The following NOL7 variants were observed in gnomAD, a reference collection of about 807,000 sequenced individuals.
The protein encoded by NOL7 is U3 small nucleolar RNA-associated protein NOL7.
In NOL7, 36 loss-of-function variants were observed where a neutral mutation model predicts 38.4. The ratio of observed to expected loss-of-function variants is 0.94; its 90% CI spans 0.72 to 1.24. The LOEUF is 1.24. Among genes scored for constraint, NOL7 ranks in the 50% most tolerant of loss-of-function variants. NOL7 has a pLI of 0.00. For missense variants in NOL7, 350 were observed against 315.1 expected (o/e 1.11, Z -0.84); for synonymous variants, 142 against 126.5 (o/e 1.12, Z -0.82).
At chr6:13,616,590 T>C (rs373648140) in intron 3 of NOL7, 69 bp downstream of exon 3, 327 of 1,046,222 alleles carry the variant, frequency 3.1e-4, no homozygotes, top group Non-Finnish European at 4.4e-4. Context: ...CTGGTACATT[T>C]ATTTGAATCC....
exon 9 of NOL7, chr6:13,632,393 T>A: frequency 6.2e-7 from 1 of 1,610,020 alleles, no homozygotes; most frequent in East Asian, 2.2e-5. Flanking sequence ...TTGTTTGCAG[T>A]GTTCTTGCCA....
downstream of NOL7, chr6:13,622,116 G>T: frequency 1.1e-5 from 3 of 264,690 alleles, no homozygotes; most frequent in African/African-American, 2.2e-5. Context: ...TGATCAATTT[G>T]AACGTCTGAA....
chr6:13,619,796 T>C (rs1206368525), intron 5 of NOL7, among the ~76,000 whole-genome samples: 1 of 152,216 alleles, frequency 6.6e-6, no homozygotes, highest in Non-Finnish European at 1.5e-5. Context: ...TTTAGTTTTA[T>C]CCTATCTGTG....
At chr6:13,627,006 C>G (rs1409942407) in intron 8 of NOL7, among the ~76,000 whole-genome samples, 3 of 152,224 alleles carry the variant, frequency 2.0e-5, no homozygotes, top group Admixed American at 2.0e-4. Flanking sequence ...TGCCTCTACG[C>G]AAACACACAT....
intron 5 of NOL7, among the ~76,000 whole-genome samples, chr6:13,619,413 G>T (rs1764376529): frequency 6.6e-6 from 1 of 152,226 alleles, no homozygotes. Flanking sequence ...GTTGCATTCA[G>T]TACAGCTTGG....
intron 8 of NOL7, among the ~76,000 whole-genome samples, chr6:13,628,943 T>C (rs961953161): frequency 1.3e-5 from 2 of 151,776 alleles, no homozygotes; most frequent in Admixed American, 6.6e-5. Context: ...AATGTTCATA[T>C]TCTTTGACTC....
At position 13,617,779 on chromosome 6, in the gene NOL7, A is replaced by G; in HGVS notation, c.396A>G (p.Lys132=). 1 of 1,613,956 alleles carries G rather than the reference A, an allele frequency of 6.2e-7. No individual in the cohort carries two copies. ...TGTTTTTTTTCCTTAGCATCAAGAA[A>G]TCGCCAGGAAAGGTGAAAGAAGGTA... ...LTTASQTNIK[K]SPGKVKEVNL... is the part of the protein sequence containing the mutation. Residue 132 remains lysine (K), a synonymous_variant, in exon 4 of 8, where the codon AAA becomes AAG. Coordinates refer to ENST00000451315, the MANE Select transcript of NOL7 (RefSeq NM_016167.5).
Position 13,615,785 on chromosome 6 carries a change from G to A in NOL7, c.327+13G>A, listed in dbSNP as rs377029923. The A allele has an allele frequency of 1.2e-6, 2 of 1,603,384 alleles. No homozygotes were observed. The highest frequency in any genetic ancestry group is 2.2e-5 in the East Asian group (1 of 44,852). On this transcript the variant is annotated intron_variant, in intron 2 of 7. Coordinates refer to ENST00000451315, the MANE Select transcript of NOL7 (RefSeq NM_016167.5). The stretch of plus-strand genomic sequence containing the variant: ...CATCGAACAGAAGGTTAGAGGCTAG[G>A]GAGGAGGTGTCTTATTAAAACAACT...
Position 13,629,587 on chromosome 6 carries a change from G to A in NOL7, n.574-2806G>A, listed in dbSNP as rs149052176. ...GTTTCTAAATAGGGTGACTCTAAATGGTTCTCTTGCTACTTCAGTTACTAA... is the reference window on the plus strand; with the variant it reads ...GTTTCTAAATAGGGTGACTCTAAATAGTTCTCTTGCTACTTCAGTTACTAA... On this transcript the variant is annotated intron_variant and non_coding_transcript_variant, in intron 8 of 8. Transcript: ENST00000474485. 8.3e-4 allele frequency among the ~76,000 whole-genome samples: 126 copies of A among 152,220 alleles called. 1 individual carries two copies. Among genetic ancestry groups the A allele is most frequent in the Middle Eastern group, 6.8e-3 (2 of 294 alleles).
chr6:13,620,346 CT>C lies in NOL7; in HGVS notation c.622+18del, dbSNP rs1409051276. Reference sequence around the variant, plus strand: ...GGACTACTGGTAATTTTTTTATGGACTATTTTTCTCACTTTTTACTGCAAAT... The same window carrying C: ...GGACTACTGGTAATTTTTTTATGGACATTTTTCTCACTTTTTACTGCAAAT... On this transcript the variant is annotated intron_variant, in intron 6 of 7. Transcript: ENST00000451315. 6.2e-7 allele frequency: 1 copy of C among 1,613,750 alleles called. No individual in the cohort carries two copies. Among genetic ancestry groups the C allele is most frequent in the Non-Finnish European group, 8.5e-7 (1 of 1,179,892 alleles).
chr6:13,625,812 T>C, downstream of NOL7: 2 of 1,324,576 alleles, frequency 1.5e-6, no homozygotes, highest in Non-Finnish European at 2.2e-6. Context: ...GTTCAACTAT[T>C]ATGCTCACAA....
chr6:13,626,729 T>G lies in NOL7; in HGVS notation n.574-5664T>G, dbSNP rs150945008. On this transcript the variant is annotated intron_variant and non_coding_transcript_variant, in intron 8 of 8. Coordinates refer to the NOL7 transcript ENST00000474485. ...ATTTGTGAGTTCAGGAACACAACAC[T>G]TTGAAAATACTGACTACTGAAATTC... is the stretch of plus-strand genomic sequence containing the variant. Among the ~76,000 whole-genome samples the G allele has an allele frequency of 2.4e-3, 372 of 152,320 alleles. 3 individuals are homozygous for G. Among genetic ancestry groups the G allele is most frequent in the African/African-American group, 8.3e-3 (343 of 41,572 alleles).
rs769375225 is a variant in NOL7 at position 13,617,756 on chromosome 6, T to C, written c.387-14T>C. ...ACTGCCATTGCAGTCAGTGGTTTTG[T>C]TTTTTTTCCTTAGCATCAAGAAATC... On this transcript the variant is annotated splice_polypyrimidine_tract_variant and intron_variant, in intron 3 of 7. Transcript: ENST00000451315. 15 of 1,611,584 alleles carry C rather than the reference T, an allele frequency of 9.3e-6. No homozygotes were observed. In the South Asian group the frequency reaches 1.4e-4, roughly 15 times the overall value.
At chr6:13,628,590 G>A (rs150660883) in intron 8 of NOL7, among the ~76,000 whole-genome samples, 374 of 152,322 alleles carry the variant, frequency 2.5e-3, no homozygotes, top group African/African-American at 8.5e-3. Context: ...TGGAAGTAGA[G>A]TGAAGCTGTA....
downstream of NOL7, among the ~76,000 whole-genome samples, chr6:13,624,677 A>T (rs150024103): frequency 6.6e-6 from 1 of 152,248 alleles, no homozygotes; most frequent in South Asian, 2.1e-4. Flanking sequence ...CAAACGCTAC[A>T]GTGAGCTGCT....
chr6:13,628,012 C>CA (rs760019628), intron 8 of NOL7, among the ~76,000 whole-genome samples: 26 of 152,264 alleles, frequency 1.7e-4, no homozygotes, highest in African/African-American at 6.3e-4. Flanking sequence ...TTTAAAAACT[C>CA]AGAGAAAAAG....
chr6:13,620,102 T>C (rs934472735), intron 5 of NOL7, 106 bp from the exon 6 acceptor site: 18 of 1,273,538 alleles, frequency 1.4e-5, no homozygotes, highest in Non-Finnish European at 1.8e-5. Flanking sequence ...TGCAGTGAGC[T>C]GAGATCGCGC....
In NOL7 at chr6:13,617,818, T is replaced by G. The variant is rs2127754322; in HGVS notation, c.418+17T>G. ...TGAAAGAAGGTATGACTATTCTAATTTAACTAACTTCTCATGTAAGTGTCA... is the reference window on the plus strand; with the variant it reads ...TGAAAGAAGGTATGACTATTCTAATGTAACTAACTTCTCATGTAAGTGTCA... On this transcript the variant is annotated intron_variant, in intron 4 of 7. Coordinates refer to ENST00000451315, the MANE Select transcript of NOL7 (RefSeq NM_016167.5). 6.2e-7 allele frequency: 1 copy of G among 1,609,448 alleles called. No homozygotes were observed. The highest frequency in any genetic ancestry group is 8.5e-7 in the Non-Finnish European group (1 of 1,175,732).
Position 13,616,632 on chromosome 6 carries a change from C to T in NOL7, c.386+111C>T, listed in dbSNP as rs74914481. ...CTGAAGGAATTGTAGAACCCAAATT[C>T]AAAAGCTACCTTGGTATATGAATTT... On this transcript the variant is annotated intron_variant, in intron 3 of 7. Transcript: ENST00000451315. 2.1e-3 allele frequency: 1,396 copies of T among 657,070 alleles called. 13 individuals carry two copies. The African/African-American group carries it at 0.023, about 11-fold the overall frequency. 40.7% of individuals were successfully genotyped at this position (657,070 alleles called of 1,614,324 possible).
Sources: allele counts gnomAD v4.1 joint callset (sites outside exome capture counted in the v4.1 genomes callset), GRCh38; gene constraint gnomAD v4.1.1; transcripts MANE v1.5; gene names NCBI Gene and HGNC (gene_info 2026-07-23, HGNC 2026-07-21).